The following LINGO2 variants were observed in gnomAD, a reference collection of about 807,000 sequenced individuals.
LINGO2 encodes the protein leucine-rich repeat and immunoglobulin-like domain-containing nogo receptor-interacting protein 2.
In LINGO2, 14 loss-of-function variants were observed where a neutral mutation model predicts 30.6. The observed-to-expected ratio is 0.46, with a 90% confidence interval of 0.30 to 0.72. The LOEUF is 0.72. LINGO2 is among the 30% of genes least tolerant of loss of function. The probability of loss-of-function intolerance (pLI) is 0.07; values close to 1 mark genes in which losing one functional copy is unlikely to be tolerated. For missense variants in LINGO2, 729 were observed against 751.7 expected (o/e 0.97, Z 0.35); for synonymous variants, 317 against 288.5 (o/e 1.10, Z -1.00).
the LINGO2 span, among the ~76,000 whole-genome samples, chr9:29,212,243 C>T: frequency 6.6e-6 from 1 of 151,972 alleles, no homozygotes. Flanking sequence ...CGCTCACGTC[C>T]CCCGCCCCTG....
chr9:28,666,325 T>C (rs1407420311), intron 1 of LINGO2, among the ~76,000 whole-genome samples: 1 of 152,136 alleles, frequency 6.6e-6, no homozygotes, highest in African/African-American at 2.4e-5. Context: ...GACATACAAA[T>C]GGAAATATAT....
At chr9:28,946,741 A>G in the LINGO2 span, among the ~76,000 whole-genome samples, 2 of 152,132 alleles carry the variant, frequency 1.3e-5, no homozygotes, top group Admixed American at 1.3e-4. Context: ...TCAGCAATAG[A>G]CATGGTATCT....
At chr9:29,140,883 C>A in the LINGO2 span, among the ~76,000 whole-genome samples, 1 of 151,704 alleles carries the variant, frequency 6.6e-6, no homozygotes. Flanking sequence ...ATTCAAAGTA[C>A]TAGAAGAAAA....
chr9:28,800,117 CA>C, the LINGO2 span, among the ~76,000 whole-genome samples: 3 of 151,998 alleles, frequency 2.0e-5, no homozygotes, highest in Admixed American at 6.6e-5. Flanking sequence ...TACATGTCAG[CA>C]GTGAGAAATA....
the LINGO2 span, among the ~76,000 whole-genome samples, chr9:29,102,912 A>C: frequency 6.6e-6 from 1 of 152,142 alleles, no homozygotes; most frequent in Non-Finnish European, 1.5e-5. Context: ...GAAAATGCCA[A>C]CTCAAAAACC....
chr9:28,981,044 T>C, the LINGO2 span, among the ~76,000 whole-genome samples: 1 of 152,108 alleles, frequency 6.6e-6, no homozygotes, highest in African/African-American at 2.4e-5. Flanking sequence ...ATGAACCATA[T>C]TTCTCCTAAT....
chr9:28,584,877 G>A (rs964065525), intron 1 of LINGO2, among the ~76,000 whole-genome samples: 20 of 152,002 alleles, frequency 1.3e-4, no homozygotes, highest in Admixed American at 2.0e-4. Context: ...AGGCTGATGT[G>A]ACTACTGTAC....
chr9:28,396,311 A>C (rs1319348855), intron 2 of LINGO2, among the ~76,000 whole-genome samples: 1 of 152,160 alleles, frequency 6.6e-6, no homozygotes, highest in African/African-American at 2.4e-5. Context: ...GATATATGGG[A>C]CTATTTTAGA....
At chr9:28,092,974 A>C (rs1055691109) in intron 4 of LINGO2, among the ~76,000 whole-genome samples, 9 of 152,002 alleles carry the variant, frequency 5.9e-5, no homozygotes, top group African/African-American at 2.2e-4. Context: ...TGCTATCACC[A>C]TTTCCATTTT....
At chr9:28,569,356 A>C (rs1823557241) in intron 1 of LINGO2, among the ~76,000 whole-genome samples, 1 of 151,602 alleles carries the variant, frequency 6.6e-6, no homozygotes, top group Non-Finnish European at 1.5e-5. Context: ...TTGTAGTGTG[A>C]TTCGTAACAG....
the LINGO2 span, among the ~76,000 whole-genome samples, chr9:28,957,503 C>G: frequency 6.6e-6 from 1 of 152,092 alleles, no homozygotes; most frequent in South Asian, 2.1e-4. Flanking sequence ...TTCTCTTAAA[C>G]TTTATGATTT....
Position 28,298,683 on chromosome 9 carries a change from C to CAAA in LINGO2, c.-245-3320_-245-3318dup, listed in dbSNP as rs74180794. On this transcript the variant is annotated intron_variant, in intron 3 of 5. Transcript: ENST00000379992. ...GGGCAACAAGAGCAAAACTCTGTCTCAAAAAAAAAAAAAAAATCAGAATGA... is the reference window on the plus strand; with the variant it reads ...GGGCAACAAGAGCAAAACTCTGTCTCAAAAAAAAAAAAAAAAAAATCAGAATGA... Among the ~76,000 whole-genome samples, 79 of 113,222 alleles carry CAAA rather than the reference C, an allele frequency of 7.0e-4. No individual in the cohort carries two copies. In the East Asian group the frequency reaches 0.012, roughly 17 times the overall value. 74.3% of individuals were successfully genotyped at this position (113,222 alleles called of 152,430 possible). A position where few individuals can be genotyped will look rare whatever the true frequency, so the allele number is the denominator to read the frequency against.
the LINGO2 span, among the ~76,000 whole-genome samples, chr9:29,108,418 T>G: frequency 6.6e-6 from 1 of 152,154 alleles, no homozygotes; most frequent in Admixed American, 6.5e-5. Context: ...AAACTTTAAG[T>G]CACTGAGCCT....
At chr9:28,449,649 T>C (rs187276324) in intron 2 of LINGO2, among the ~76,000 whole-genome samples, 1 of 152,166 alleles carries the variant, frequency 6.6e-6, no homozygotes, top group Admixed American at 6.5e-5. Context: ...TTTATTACCA[T>C]ACGACGAGTC....
the LINGO2 span, chr9:27,938,112 A>T: frequency 6.6e-6 from 1 of 150,402 alleles, no homozygotes; most frequent in Non-Finnish European, 1.5e-5. Context: ...CCTGGAAGTG[A>T]ATCATTTTTG....
At chr9:28,214,792 T>C (rs1820708252) in intron 4 of LINGO2, among the ~76,000 whole-genome samples, 1 of 151,708 alleles carries the variant, frequency 6.6e-6, no homozygotes, top group Non-Finnish European at 1.5e-5. Flanking sequence ...CTACTCTCTT[T>C]TGGCAATGTG....
intron 4 of LINGO2, among the ~76,000 whole-genome samples, chr9:28,086,195 A>G (rs1020318751): frequency 6.6e-6 from 1 of 152,150 alleles, no homozygotes; most frequent in East Asian, 1.9e-4. Flanking sequence ...GAAAATCAAC[A>G]TTTTTAACTA....
At chr9:29,083,165 A>G in the LINGO2 span, among the ~76,000 whole-genome samples, 1 of 152,216 alleles carries the variant, frequency 6.6e-6, no homozygotes, top group African/African-American at 2.4e-5. Context: ...TCACAACAGC[A>G]AAAACTTGGA....
At chr9:29,062,436 T>G in the LINGO2 span, among the ~76,000 whole-genome samples, 10 of 152,116 alleles carry the variant, frequency 6.6e-5, no homozygotes, top group Non-Finnish European at 1.5e-4. Flanking sequence ...GGATGCAACC[T>G]GAGTGTTCAT....
Sources: gnomAD v4.1 joint callset for allele counts (sites outside exome capture counted in the v4.1 genomes callset) on GRCh38, gnomAD v4.1.1 for gene constraint, MANE v1.5 for transcripts, NCBI Gene and HGNC (gene_info 2026-07-23, HGNC 2026-07-21) for gene names.